CNTNAP3B: variants seen among roughly 807,000 people sequenced by gnomAD.
CNTNAP3B encodes the protein contactin associated protein family member 3B.
A neutral mutation model predicts 108.9 loss-of-function variants in CNTNAP3B; 25 were observed. The ratio of observed to expected loss-of-function variants is 0.23; its 90% confidence interval spans 0.17 to 0.32. The LOEUF is 0.32. Among genes scored for constraint, CNTNAP3B ranks in the 10% least tolerant of loss-of-function variants. The pLI, the probability that CNTNAP3B is intolerant of heterozygous loss-of-function variation, is 1.00. For missense variants in CNTNAP3B, 252 were observed against 1,210.4 expected (o/e 0.21, Z 11.75); for synonymous variants, 103 against 473.4 (o/e 0.22, Z 10.16).
rs1370762619 is a variant in CNTNAP3B, at chr9:42,030,037, G to T, written c.391-16512C>A. Among the ~76,000 whole-genome samples the T allele has an allele frequency of 6.3e-5, 3 of 47,350 alleles. No homozygotes were observed. The East Asian group carries it at 2.6e-3, about 41-fold the overall frequency. The allele number at this position is 47,350 out of a possible 152,430, so 31.1% of individuals were successfully genotyped here. A position where few individuals can be genotyped will look rare whatever the true frequency, so the allele number is the denominator to read the frequency against. On this transcript the variant is annotated intron_variant, in intron 3 of 23. Transcript: ENST00000377561. Reference sequence around the variant, plus strand: ...TGGGCGCCTGTAGTCCCAGCTTCTGGGGAGGCTGAGACAGGAGAATGGCAT... The same window carrying T: ...TGGGCGCCTGTAGTCCCAGCTTCTGTGGAGGCTGAGACAGGAGAATGGCAT...
At chr9:41,956,152 C>T (rs866601443) in intron 12 of CNTNAP3B, among the ~76,000 whole-genome samples, 17 of 152,292 alleles carry the variant, frequency 1.1e-4, no homozygotes, top group South Asian at 2.1e-4. Flanking sequence ...TTTGGGAGGC[C>T]GAGGCAGGCG....
intron 17 of CNTNAP3B, among the ~76,000 whole-genome samples, chr9:41,920,734 A>ACTT (rs1434507951): frequency 8.5e-5 from 13 of 152,298 alleles, no homozygotes; most frequent in African/African-American, 3.1e-4. Flanking sequence ...TTAGGTATGA[A>ACTT]CTTCCAAATT....
intron 1 of CNTNAP3B, among the ~76,000 whole-genome samples, chr9:42,108,199 A>T (rs1828120323): frequency 7.4e-6 from 1 of 134,880 alleles, no homozygotes; most frequent in Non-Finnish European, 1.6e-5. Flanking sequence ...GCTTATTTGG[A>T]AATCTGGTTA....
chr9:42,095,746 T>G lies in CNTNAP3B; in HGVS notation c.196+8883A>C, dbSNP rs544221195. ...AGGGATAAGCCTGTCAGTTCGTGTC[T>G]GTATTGGTCGCAGACCCTTGAAAAT... On this transcript the variant is annotated intron_variant, in intron 2 of 23. Coordinates refer to ENST00000377561, the MANE Select transcript of CNTNAP3B (RefSeq NM_001201380.3). Among the ~76,000 whole-genome samples, 2 of 138,066 alleles carry G rather than the reference T, an allele frequency of 1.4e-5. 1 individual carries two copies. Among genetic ancestry groups the G allele is most frequent in the Non-Finnish European group, 3.1e-5 (2 of 64,670 alleles). 90.6% of individuals were successfully genotyped at this position (138,066 alleles called of 152,430 possible).
At chr9:41,931,861 T>C (rs1823988628) in intron 14 of CNTNAP3B, among the ~76,000 whole-genome samples, 1 of 148,142 alleles carries the variant, frequency 6.8e-6, no homozygotes, top group Non-Finnish European at 1.5e-5. Context: ...GATGCTTGTA[T>C]TTTAAAAGAT....
At chr9:41,925,345 G>C (rs1823786207) in intron 15 of CNTNAP3B, among the ~76,000 whole-genome samples, 1 of 152,176 alleles carries the variant, frequency 6.6e-6, no homozygotes, top group African/African-American at 2.4e-5. Context: ...TGTAATCCCA[G>C]CAGTTTGGGA....
intron 9 of CNTNAP3B, among the ~76,000 whole-genome samples, chr9:41,973,104 A>AT (rs762573740): frequency 0.018 from 2,168 of 120,128 alleles, 79 homozygotes; most frequent in African/African-American, 0.059. Context: ...TGCCCTGCTA[A>AT]TTTTTTTTTT....
At chr9:42,119,441 G>A (rs1828405866) in intron 1 of CNTNAP3B, among the ~76,000 whole-genome samples, 1 of 131,196 alleles carries the variant, frequency 7.6e-6, no homozygotes, top group African/African-American at 3.1e-5. Context: ...TCCCCATCAA[G>A]CTACCAATGA....
At position 41,976,229 on chromosome 9, in the gene CNTNAP3B, AT is replaced by A. The variant is rs1356836138; in HGVS notation, c.1478-5985del. ...AATTTTAATGTTTTCAGTTTCACTT[AT>A]TTGACTCTTAGTGATGCTATGTGTC... On this transcript the variant is annotated intron_variant, in intron 9 of 23. Coordinates refer to ENST00000377561, the MANE Select transcript of CNTNAP3B (RefSeq NM_001201380.3). Among the ~76,000 whole-genome samples, 4 of 91,356 alleles carry A rather than the reference AT, an allele frequency of 4.4e-5. 1 individual carries two copies. The highest frequency in any genetic ancestry group is 9.0e-5 in the Non-Finnish European group (4 of 44,216). The allele number at this position is 91,356 out of a possible 152,430, so 59.9% of individuals were successfully genotyped here.
chr9:41,923,176 C>T (rs1406725402), intron 16 of CNTNAP3B, among the ~76,000 whole-genome samples: 3 of 140,236 alleles, frequency 2.1e-5, no homozygotes, highest in African/African-American at 5.5e-5. Context: ...TAGCTATGTA[C>T]CCATAGCTAG....
rs1233133908 is a variant in CNTNAP3B at position 42,066,572 on chromosome 9, G to A, written c.390+10297C>T. Among the ~76,000 whole-genome samples the A allele has an allele frequency of 7.0e-5, 9 of 128,232 alleles. 1 individual carries two copies. The highest frequency in any genetic ancestry group is 2.4e-4 in the East Asian group (1 of 4,098). 84.1% of individuals were successfully genotyped at this position (128,232 alleles called of 152,430 possible). A position where few individuals can be genotyped will look rare whatever the true frequency, so the allele number is the denominator to read the frequency against. Reference sequence around the variant, plus strand: ...CTTCCGAGTAGCTGGGATTACAGGCGCCTGCCACCACATCTGGCTAATTTT... The same window carrying A: ...CTTCCGAGTAGCTGGGATTACAGGCACCTGCCACCACATCTGGCTAATTTT... On this transcript the variant is annotated intron_variant, in intron 3 of 23. Transcript: ENST00000377561.
chr9:41,957,494 AG>A (rs1278568980), intron 12 of CNTNAP3B, among the ~76,000 whole-genome samples: 1 of 127,768 alleles, frequency 7.8e-6, no homozygotes, highest in Non-Finnish European at 1.6e-5. Context: ...CTCTAAGCTT[AG>A]GGATTCTTTC....
intron 13 of CNTNAP3B, among the ~76,000 whole-genome samples, chr9:41,940,407 C>T (rs1470271885): frequency 6.6e-6 from 1 of 152,418 alleles, no homozygotes; most frequent in East Asian, 1.9e-4. Context: ...GTAGATTACT[C>T]ATCTGAAATT....
intron 14 of CNTNAP3B, among the ~76,000 whole-genome samples, chr9:41,930,749 C>A (rs1823953599): frequency 1.3e-5 from 2 of 152,278 alleles, no homozygotes; most frequent in South Asian, 4.1e-4. Flanking sequence ...ACAAAGAGAC[C>A]TGGAGGATCC....
At chr9:41,924,962 T>C (rs1468651920) in intron 15 of CNTNAP3B, among the ~76,000 whole-genome samples, 1 of 152,032 alleles carries the variant, frequency 6.6e-6, no homozygotes, top group Admixed American at 6.5e-5. Flanking sequence ...TTGTCAAAAA[T>C]ACCACAGAAG....
At chr9:41,963,448 C>T (rs1260756216) in intron 11 of CNTNAP3B, among the ~76,000 whole-genome samples, 901 of 142,744 alleles carry the variant, frequency 6.3e-3, no homozygotes, top group African/African-American at 0.014. Context: ...TTCAATAAAA[C>T]GGCATGGCCT....
intron 3 of CNTNAP3B, among the ~76,000 whole-genome samples, chr9:42,045,586 T>C (rs1826854775): frequency 7.4e-6 from 1 of 134,500 alleles, no homozygotes; most frequent in East Asian, 2.2e-4. Flanking sequence ...AATGAAGATG[T>C]TAAAGAAATA....
rs185096642 is a variant in CNTNAP3B, at chr9:42,113,910, C to T, written c.86-9171G>A. 5.9e-4 allele frequency among the ~76,000 whole-genome samples: 81 copies of T among 138,064 alleles called. 16 individuals carry two copies. The highest frequency in any genetic ancestry group is 2.2e-3 in the African/African-American group (76 of 34,720). The allele number at this position is 138,064 out of a possible 152,430, so 90.6% of individuals were successfully genotyped here. ...TATCAAAACATCTCATGTAGACCATCGATATATACACCTACTATGCAACCA... is the reference window on the plus strand; with the variant it reads ...TATCAAAACATCTCATGTAGACCATTGATATATACACCTACTATGCAACCA... On this transcript the variant is annotated intron_variant, in intron 1 of 23. Coordinates refer to ENST00000377561, the MANE Select transcript of CNTNAP3B (RefSeq NM_001201380.3).
intron 14 of CNTNAP3B, among the ~76,000 whole-genome samples, chr9:41,936,170 G>A (rs573363135): frequency 4.6e-5 from 7 of 152,410 alleles, no homozygotes; most frequent in Non-Finnish European, 8.8e-5. Context: ...CCAGTTACTC[G>A]GGAGGCTGAG....
Sources: gnomAD v4.1 joint callset for allele counts (sites outside exome capture counted in the v4.1 genomes callset) on GRCh38, gnomAD v4.1.1 for gene constraint, MANE v1.5 for transcripts, NCBI Gene and HGNC (gene_info 2026-07-23, HGNC 2026-07-21) for gene names.